Variants in CD99L2 observed in about 807,000 individuals in gnomAD.
The protein encoded by CD99L2 is CD99 molecule like 2, also known as CD99 antigen-like protein 2.
In CD99L2, 24 loss-of-function variants were observed where a neutral mutation model predicts 27.3. The observed-to-expected ratio is 0.88, with a 90% CI of 0.64 to 1.24. CD99L2 has a LOEUF of 1.24. Ranked by LOEUF, CD99L2 falls within the 50% of genes most tolerant of loss-of-function variation. The probability of loss-of-function intolerance (pLI) is 0.00; values close to 1 mark genes in which losing one functional copy is unlikely to be tolerated. For missense variants in CD99L2, 255 were observed against 221.6 expected, an observed-to-expected ratio of 1.15 and a Z score of -0.96; for synonymous variants, 97 against 87.9, an observed-to-expected ratio of 1.10 and a Z score of -0.58.
chrX:150,888,436 G>A (rs1232450565), intron 1 of CD99L2, among the ~76,000 whole-genome samples: 7 of 111,741 alleles, frequency 6.3e-5, no homozygotes, highest in African/African-American at 2.3e-4. Context: ...GTCACAAAAG[G>A]ACAAATACTA....
In CD99L2 at chrX:150,879,750, T is replaced by TAAAAAAA. The variant is rs60706288; in HGVS notation, c.67+18765_67+18771dup. Among the ~76,000 whole-genome samples, 5 of 19,388 alleles carry TAAAAAAA rather than the reference T, an allele frequency of 2.6e-4. 1 individual carries two copies. Among genetic ancestry groups the TAAAAAAA allele is most frequent in the African/African-American group, 4.6e-4 (2 of 4,316 alleles). The allele number at this position is 19,388 out of a possible 115,157, so 16.8% of individuals were successfully genotyped here. ...GGCGAAACCCTGTCTCTACAAAAAC[T>TAAAAAAA]AAAAAAAAAAAAAAAAAAAAAAAAA... On this transcript the variant is annotated intron_variant, in intron 1 of 10. Transcript: ENST00000370377.
intron 2 of CD99L2, chrX:150,818,840 C>A: frequency 2.7e-6 from 1 of 371,402 alleles, no homozygotes; most frequent in South Asian, 2.5e-5. Flanking sequence ...AGACAAGTTC[C>A]AAAGACAGCA....
chrX:150,816,269 T>C, intron 2 of CD99L2, 191 bp from the exon 3 acceptor site: 1 of 427,114 alleles, frequency 2.3e-6, no homozygotes, highest in Non-Finnish European at 4.1e-6. Flanking sequence ...ATGAGAAGAG[T>C]TCTGCTCACT....
chrX:150,890,376 G>A (rs1026022156), intron 1 of CD99L2, among the ~76,000 whole-genome samples: 29 of 110,715 alleles, frequency 2.6e-4, no homozygotes, highest in Non-Finnish European at 3.4e-4. Context: ...CTCCTCAGGA[G>A]GCTGAGGCAG....
intron 1 of CD99L2, among the ~76,000 whole-genome samples, chrX:150,846,306 C>T (rs2046702513): frequency 8.9e-6 from 1 of 112,458 alleles, no homozygotes; most frequent in African/African-American, 3.2e-5. Flanking sequence ...TTTCCAAACT[C>T]TGGTCAAAGG....
At chrX:150,898,150 G>C (rs1557423136) in intron 1 of CD99L2, among the ~76,000 whole-genome samples, 1 of 106,156 alleles carries the variant, frequency 9.4e-6, no homozygotes, top group Admixed American at 1.0e-4. Flanking sequence ...TTCTGCTGTC[G>C]GTGGCCTCGC....
intron 1 of CD99L2, among the ~76,000 whole-genome samples, chrX:150,877,648 G>A (rs1053363383): frequency 9.1e-6 from 1 of 109,826 alleles, no homozygotes; most frequent in Admixed American, 9.8e-5. Context: ...ACAAGAGCCC[G>A]TTTCTACATA....
intron 4 of CD99L2, among the ~76,000 whole-genome samples, chrX:150,801,123 G>C (rs1257028432): frequency 9.0e-6 from 1 of 110,847 alleles, no homozygotes; most frequent in Non-Finnish European, 1.9e-5. Flanking sequence ...CATTTAAAAA[G>C]GAATTATCAC....
chrX:150,887,802 A>G (rs1176587743), intron 1 of CD99L2, among the ~76,000 whole-genome samples: 1 of 112,185 alleles, frequency 8.9e-6, no homozygotes, highest in South Asian at 3.7e-4. Context: ...AGGAAGGAAC[A>G]GAAAATGAAG....
intron 1 of CD99L2, among the ~76,000 whole-genome samples, chrX:150,855,089 C>T (rs1166434782): frequency 8.9e-6 from 1 of 112,106 alleles, no homozygotes; most frequent in Non-Finnish European, 1.9e-5. Flanking sequence ...CTGCCATGCA[C>T]AATCACTACT....
At chrX:150,835,584 AAT>A (rs2046514630) in intron 1 of CD99L2, among the ~76,000 whole-genome samples, 1 of 111,272 alleles carries the variant, frequency 9.0e-6, no homozygotes, top group South Asian at 3.8e-4. Flanking sequence ...GAAACAAAAT[AAT>A]ACTGAAATTC....
intron 1 of CD99L2, among the ~76,000 whole-genome samples, chrX:150,858,207 A>G: frequency 8.9e-6 from 1 of 112,598 alleles, no homozygotes. Flanking sequence ...AGATTCAAAA[A>G]GCAAATATTA....
At chrX:150,793,643 C>A in intron 7 of CD99L2, 48 bp downstream of exon 7, 1 of 1,065,217 alleles carries the variant, frequency 9.4e-7, no homozygotes, top group Non-Finnish European at 1.3e-6. Context: ...GCATAATCAC[C>A]TTTTTCACCA....
chrX:150,853,007 C>T (rs1457008149), intron 1 of CD99L2, among the ~76,000 whole-genome samples: 3 of 111,339 alleles, frequency 2.7e-5, no homozygotes, highest in Non-Finnish European at 5.7e-5. Flanking sequence ...GCAATCACCA[C>T]GGAAGTTTCT....
At chrX:150,865,856 C>T (rs782673305) in intron 1 of CD99L2, among the ~76,000 whole-genome samples, 41 of 112,414 alleles carry the variant, frequency 3.6e-4, no homozygotes, top group African/African-American at 1.2e-3. Flanking sequence ...TGTGGTGGCT[C>T]CCACCTGTCA....
intron 7 of CD99L2, among the ~76,000 whole-genome samples, chrX:150,780,010 G>A (rs73624518): frequency 3.2e-3 from 358 of 112,199 alleles, no homozygotes; most frequent in African/African-American, 9.3e-3. Context: ...TGCAAAATAT[G>A]TATCTGATAA....
chrX:150,804,626 GAAC>G (rs2045966784), intron 4 of CD99L2, among the ~76,000 whole-genome samples: 1 of 110,446 alleles, frequency 9.1e-6, no homozygotes. Context: ...AGTAACAGAA[GAAC>G]AATAAAGTCT....
At chrX:150,849,737 C>T (rs2046761708) in intron 1 of CD99L2, among the ~76,000 whole-genome samples, 1 of 111,490 alleles carries the variant, frequency 9.0e-6, no homozygotes, top group African/African-American at 3.3e-5. Flanking sequence ...TATATCAGTA[C>T]ATCCTGCTCC....
chrX:150,842,235 A>C (rs2124270280), intron 1 of CD99L2, among the ~76,000 whole-genome samples: 1 of 112,089 alleles, frequency 8.9e-6, no homozygotes, highest in African/African-American at 3.2e-5. Flanking sequence ...TGTCCTTGAG[A>C]AGATTAATTT....
Sources: gnomAD v4.1 joint callset for allele counts (sites outside exome capture counted in the v4.1 genomes callset) on GRCh38, gnomAD v4.1.1 for gene constraint, MANE v1.5 for transcripts, NCBI Gene and HGNC (gene_info 2026-07-23, HGNC 2026-07-21) for gene names.